FHIT: variants seen among roughly 807,000 people sequenced by gnomAD.
The protein encoded by FHIT is bis(5'-adenosyl)-triphosphatase.
In FHIT, 19 loss-of-function variants were observed where a neutral mutation model predicts 17.9. The observed-to-expected ratio is 1.06, with a 90% CI of 0.74 to 1.56. The LOEUF is 1.56. Ranked by LOEUF, FHIT falls within the 40% of genes most tolerant of loss-of-function variation. FHIT has a pLI of 0.00. For missense variants in FHIT, 248 were observed against 189.2 expected, an observed-to-expected ratio of 1.31 and a Z score of -1.82; for synonymous variants, 81 against 69.7, an observed-to-expected ratio of 1.16 and a Z score of -0.81.
intron 7 of FHIT, among the ~76,000 whole-genome samples, chr3:59,945,198 T>C (rs925443994): frequency 3.3e-5 from 5 of 152,190 alleles, no homozygotes; most frequent in Non-Finnish European, 7.3e-5. Context: ...ATTTTTTGAC[T>C]TGTTAGTAAT....
intron 5 of FHIT, among the ~76,000 whole-genome samples, chr3:60,092,763 A>G (rs138510183): frequency 2.6e-5 from 4 of 152,194 alleles, no homozygotes; most frequent in African/African-American, 7.2e-5. Context: ...AACAATAATG[A>G]CATTCACTGT....
intron 8 of FHIT, among the ~76,000 whole-genome samples, chr3:59,778,130 C>T (rs1702413551): frequency 6.6e-6 from 1 of 152,180 alleles, no homozygotes; most frequent in Non-Finnish European, 1.5e-5. Context: ...ACCCCTCTAT[C>T]CCCCAGTGCC....
At chr3:59,865,067 T>C (rs623014) in intron 8 of FHIT, among the ~76,000 whole-genome samples, 82,965 of 151,842 alleles carry the variant, frequency 0.55, 24,034 homozygotes, top group African/African-American at 0.75. Context: ...GTCAAATAGA[T>C]GGTTCCTTAT....
At chr3:60,963,518 TG>T (rs1709565423) in intron 3 of FHIT, among the ~76,000 whole-genome samples, 1 of 152,242 alleles carries the variant, frequency 6.6e-6, no homozygotes, top group South Asian at 2.1e-4. Context: ...TTAATTGTGA[TG>T]TTAGGGTGTC....
intron 8 of FHIT, among the ~76,000 whole-genome samples, chr3:59,762,853 G>C (rs1021350764): frequency 6.6e-6 from 1 of 152,174 alleles, no homozygotes; most frequent in Non-Finnish European, 1.5e-5. Flanking sequence ...GAAAACTGGT[G>C]AGGCAAAAGG....
rs145942303 is a variant in FHIT, at chr3:60,921,640, C to A, written c.-110-99629G>T. On this transcript the variant is annotated intron_variant, in intron 3 of 9. Coordinates refer to ENST00000492590, the MANE Select transcript of FHIT (RefSeq NM_002012.4). ...TCCCCTCTCCCCAAAAACATGACCA[C>A]CATGAATTATCCAGTTGATCTTAAA... Among the ~76,000 whole-genome samples, 263 of 152,250 alleles carry A rather than the reference C, an allele frequency of 1.7e-3. 2 individuals are homozygous for A. In the East Asian group the frequency reaches 0.027, roughly 16 times the overall value.
Position 60,840,021 on chromosome 3 carries a change from G to A in FHIT, c.-110-18010C>T, listed in dbSNP as rs186798126. Among the ~76,000 whole-genome samples the A allele has an allele frequency of 5.9e-5, 9 of 152,080 alleles. 1 individual carries two copies. The East Asian group carries it at 9.7e-4, about 16-fold the overall frequency. On this transcript the variant is annotated intron_variant, in intron 3 of 9. Coordinates refer to ENST00000492590, the MANE Select transcript of FHIT (RefSeq NM_002012.4). ...CTTGATCTTATTTAGACCCGGTGGC[G>A]AGGGTCCTTCAGCTCCGTGAGGAGC...
chr3:60,619,590 T>G, intron 4 of FHIT, among the ~76,000 whole-genome samples: 1 of 69,596 alleles, frequency 1.4e-5, no homozygotes, highest in Admixed American at 1.7e-4. Context: ...AACAAATGGA[T>G]ACCCACATGC....
chr3:60,750,627 T>C (rs1429935642), intron 4 of FHIT, among the ~76,000 whole-genome samples: 6 of 152,118 alleles, frequency 3.9e-5, no homozygotes, highest in African/African-American at 1.4e-4. Flanking sequence ...GATCATGAGG[T>C]CTCTCCAGCC....
At chr3:59,765,890 C>T (rs1701771308) in intron 8 of FHIT, among the ~76,000 whole-genome samples, 1 of 152,072 alleles carries the variant, frequency 6.6e-6, no homozygotes, top group Non-Finnish European at 1.5e-5. Context: ...TACCATGGCT[C>T]AAGCAAAACA....
In FHIT at chr3:60,932,190, C is replaced by G. The variant is rs139635152; in HGVS notation, c.-111+109857G>C. ...TGCTAAGTGCTCTCCTTCATTTATT[C>G]TCACGATCACATTCTGAGGTAGGTA... On this transcript the variant is annotated intron_variant, in intron 3 of 9. Coordinates refer to ENST00000492590, the MANE Select transcript of FHIT (RefSeq NM_002012.4). Among the ~76,000 whole-genome samples, 123 of 152,300 alleles carry G rather than the reference C, an allele frequency of 8.1e-4. 1 individual carries two copies. The highest frequency in any genetic ancestry group is 2.8e-3 in the African/African-American group (115 of 41,568).
chr3:59,892,427 T>G (rs893279883), intron 8 of FHIT, among the ~76,000 whole-genome samples: 3 of 152,230 alleles, frequency 2.0e-5, no homozygotes, highest in African/African-American at 7.2e-5. Flanking sequence ...CTTTTTTAAA[T>G]ATAATGCCTG....
intron 3 of FHIT, among the ~76,000 whole-genome samples, chr3:61,036,908 T>G (rs1018707235): frequency 1.5e-5 from 2 of 134,566 alleles, no homozygotes; most frequent in Non-Finnish European, 3.2e-5. Flanking sequence ...TTTGTTTTTT[T>G]TTTTTGTTTG....
intron 5 of FHIT, among the ~76,000 whole-genome samples, chr3:60,311,591 C>T (rs1041198863): frequency 6.6e-6 from 1 of 152,196 alleles, no homozygotes; most frequent in African/African-American, 2.4e-5. Flanking sequence ...AAAGTACGCA[C>T]ATTTATAAAA....
chr3:60,530,492 T>C (rs2035736676), intron 5 of FHIT, among the ~76,000 whole-genome samples: 1 of 152,108 alleles, frequency 6.6e-6, no homozygotes, highest in African/African-American at 2.4e-5. Flanking sequence ...CTGTCTATGA[T>C]AAAAAATAAA....
rs1355817732 is a variant in FHIT at position 59,748,216 on chromosome 3, T to TAA, written c.*1367_*1368dup. Among the ~76,000 whole-genome samples, 6 of 152,148 alleles carry TAA rather than the reference T, an allele frequency of 3.9e-5. No homozygotes were observed. The highest frequency in any genetic ancestry group is 1.4e-4 in the African/African-American group (6 of 41,440). On this transcript the variant is annotated 3_prime_UTR_variant, in exon 10 of 10. Coordinates refer to ENST00000492590, the MANE Select transcript of FHIT (RefSeq NM_002012.4). Reference sequence around the variant, plus strand: ...TTCTTTGAGGCTGAAATATAAAGTTTAAGATATATATACTAAAATTCAAAA... The same window carrying TAA: ...TTCTTTGAGGCTGAAATATAAAGTTTAAAAGATATATATACTAAAATTCAAAA...
At chr3:61,146,822 CAA>C in intron 2 of FHIT, among the ~76,000 whole-genome samples, 1 of 152,080 alleles carries the variant, frequency 6.6e-6, no homozygotes, top group African/African-American at 2.4e-5. Flanking sequence ...ACATCAAAGT[CAA>C]AAAGTTGACA....
chr3:60,632,482 G>A (rs181069783), intron 4 of FHIT, among the ~76,000 whole-genome samples: 24 of 152,250 alleles, frequency 1.6e-4, no homozygotes, highest in Admixed American at 1.2e-3. Flanking sequence ...AGGAGAGCGC[G>A]TCTTCTCCAA....
chr3:59,888,530 T>C (rs1313047561), intron 8 of FHIT, among the ~76,000 whole-genome samples: 1 of 152,246 alleles, frequency 6.6e-6, no homozygotes, highest in East Asian at 1.9e-4. Context: ...TTCACTGGTA[T>C]ATATTCTCTT....
Sources: allele counts gnomAD v4.1 joint callset (sites outside exome capture counted in the v4.1 genomes callset), GRCh38; gene constraint gnomAD v4.1.1; transcripts MANE v1.5; gene names NCBI Gene and HGNC (gene_info 2026-07-23, HGNC 2026-07-21).